The following IL31RA variants were observed in gnomAD, a reference collection of about 807,000 sequenced individuals.
The protein encoded by IL31RA is interleukin-31 receptor subunit alpha.
In IL31RA, 66 loss-of-function variants were observed where a neutral mutation model predicts 83.7. The ratio of observed to expected loss-of-function variants is 0.79; its 90% CI spans 0.65 to 0.97. IL31RA has a LOEUF of 0.97. IL31RA is among the 50% of genes least tolerant of loss of function. The probability of loss-of-function intolerance (pLI) is 0.00; values close to 1 mark genes in which losing one functional copy is unlikely to be tolerated. For missense variants in IL31RA, 798 were observed against 919.4 expected (o/e 0.87, Z 1.71); for synonymous variants, 325 against 329.0 (o/e 0.99, Z 0.13).
chr5:55,909,238 A>ATTAC (rs1749347439), intron 11 of IL31RA: 3 of 152,864 alleles, frequency 2.0e-5, no homozygotes, highest in Non-Finnish European at 4.4e-5. Context: ...TTTATGGCTG[A>ATTAC]ATAATATTCC....
Position 55,920,280 on chromosome 5 carries a change from G to C in IL31RA, c.*3160G>C, listed in dbSNP as rs1250686170. Among the ~76,000 whole-genome samples the C allele has an allele frequency of 6.6e-6, 1 of 152,214 alleles. No individual in the cohort carries two copies. The highest frequency in any genetic ancestry group is 1.5e-5 in the Non-Finnish European group (1 of 68,032). On this transcript the variant is annotated 3_prime_UTR_variant, in exon 15 of 15. Coordinates refer to ENST00000652347, the MANE Select transcript of IL31RA (RefSeq NM_139017.7). ...GGCCTGTCCACCCCAGTCTGATTCT[G>C]TCCCCATTTCCAGCACGCCCCTAGT...
upstream of IL31RA, among the ~76,000 whole-genome samples, chr5:55,846,682 A>G (rs1242969428): frequency 4.6e-5 from 7 of 152,104 alleles, no homozygotes; most frequent in Non-Finnish European, 8.8e-5. Flanking sequence ...CTGTAATCTC[A>G]GCTACTTGGG....
chr5:55,879,618 G>C (rs1424456801), intron 4 of IL31RA, among the ~76,000 whole-genome samples: 2 of 151,168 alleles, frequency 1.3e-5, no homozygotes, highest in Non-Finnish European at 2.9e-5. Flanking sequence ...TTTTAGTAGA[G>C]ACAGGGTTTC....
At chr5:55,890,463 G>T (rs965455138) in intron 6 of IL31RA, among the ~76,000 whole-genome samples, 1 of 152,144 alleles carries the variant, frequency 6.6e-6, no homozygotes, top group Non-Finnish European at 1.5e-5. Flanking sequence ...ACCACCTCCC[G>T]AGTTCAAGCA....
At chr5:55,898,036 C>T (rs1249879005) in intron 7 of IL31RA, among the ~76,000 whole-genome samples, 6 of 152,194 alleles carry the variant, frequency 3.9e-5, no homozygotes, top group African/African-American at 7.2e-5. Context: ...GTTGCGGAGG[C>T]GGTGCTGCCG....
chr5:55,922,721 T>C lies in IL31RA; in HGVS notation c.*5601T>C. 1 of 444,292 alleles carries C rather than the reference T, an allele frequency of 2.3e-6. No homozygotes were observed. The highest frequency in any genetic ancestry group is 5.8e-4 in the Middle Eastern group (1 of 1,712). 27.5% of individuals were successfully genotyped at this position (444,292 alleles called of 1,614,324 possible). On this transcript the variant is annotated 3_prime_UTR_variant, in exon 15 of 15. Transcript: ENST00000652347. ...CATACAAAAAAGCCATAATACCATT[T>C]TCATGTAATGCTATACTTCTATACT...
intron 6 of IL31RA, among the ~76,000 whole-genome samples, chr5:55,890,791 A>G (rs1464604079): frequency 6.6e-6 from 1 of 152,252 alleles, no homozygotes; most frequent in Non-Finnish European, 1.5e-5. Context: ...CACATTTTTA[A>G]TGACAGTGAG....
At chr5:55,883,254 A>G in intron 5 of IL31RA, 59 bp downstream of exon 5, 1 of 1,384,152 alleles carries the variant, frequency 7.2e-7, no homozygotes, top group Non-Finnish European at 1.0e-6. Flanking sequence ...AGAATCATTG[A>G]CAACTATTGT....
chr5:55,853,450 A>G (rs935044639), intron 1 of IL31RA: 20 of 1,540,110 alleles, frequency 1.3e-5, no homozygotes, highest in South Asian at 4.9e-5. Context: ...TAGTGTGGAT[A>G]AATTAAAGTC....
Position 55,890,828 on chromosome 5 carries a change from T to C in IL31RA, c.772+693T>C, listed in dbSNP as rs1372367200. On this transcript the variant is annotated intron_variant, in intron 6 of 14. Coordinates refer to ENST00000652347, the MANE Select transcript of IL31RA (RefSeq NM_139017.7). ...AAAGGAAAGAGGCATGGATTGCAGG[T>C]TGATGGAGTGCTTACTAAGTGTCAG... 2.6e-5 allele frequency among the ~76,000 whole-genome samples: 4 copies of C among 152,218 alleles called. No homozygotes were observed. The East Asian group carries it at 5.8e-4, about 22-fold the overall frequency.
intron 14 of IL31RA, among the ~76,000 whole-genome samples, chr5:55,916,157 G>T (rs796309831): frequency 3.3e-5 from 5 of 152,188 alleles, no homozygotes; most frequent in East Asian, 1.9e-4. Flanking sequence ...AGGCAGGGGG[G>T]ATTGCTTGAG....
In IL31RA at chr5:55,851,384, G is replaced by C; in HGVS notation, c.-187G>C. On this transcript the variant is annotated 5_prime_UTR_variant, in exon 1 of 15. Coordinates refer to ENST00000652347, the MANE Select transcript of IL31RA (RefSeq NM_139017.7). ...AGCCTCCTTCTGCTTAGGAACACCA[G>C]ACAGCACTCCAGCACTCTGCTTGGG... is the stretch of plus-strand genomic sequence containing the variant. 1.1e-6 allele frequency: 1 copy of C among 950,002 alleles called. No homozygotes were observed. Among genetic ancestry groups the C allele is most frequent in the Non-Finnish European group, 1.6e-6 (1 of 628,998 alleles). 58.8% of individuals were successfully genotyped at this position (950,002 alleles called of 1,614,324 possible). A position where few individuals can be genotyped will look rare whatever the true frequency, so the allele number is the denominator to read the frequency against.
At chr5:55,883,232 G>T in intron 5 of IL31RA, 37 bp downstream of exon 5, 1 of 1,525,674 alleles carries the variant, frequency 6.6e-7, no homozygotes, top group Non-Finnish European at 9.1e-7. Context: ...CCAATTAGAG[G>T]CCCAGAGGAA....
At chr5:55,860,071 A>G (rs1745581312) in intron 2 of IL31RA, among the ~76,000 whole-genome samples, 1 of 152,194 alleles carries the variant, frequency 6.6e-6, no homozygotes, top group South Asian at 2.1e-4. Flanking sequence ...AATTTACTAT[A>G]ATAAAAGTTA....
At chr5:55,869,860 T>G (rs1009085472) in intron 3 of IL31RA, among the ~76,000 whole-genome samples, 15 of 152,248 alleles carry the variant, frequency 9.9e-5, no homozygotes, top group Non-Finnish European at 1.9e-4. Context: ...CATTGTAAGA[T>G]GACCTTTAGT....
Position 55,922,360 on chromosome 5 carries a change from G to A in IL31RA, c.*5240G>A. The A allele has an allele frequency of 5.8e-6, 9 of 1,540,240 alleles. No individual in the cohort carries two copies. Among genetic ancestry groups the A allele is most frequent in the Non-Finnish European group, 7.0e-6 (8 of 1,137,206 alleles). On this transcript the variant is annotated 3_prime_UTR_variant, in exon 15 of 15. Transcript: ENST00000652347. ...GCAATGCTCTCGTGGCTGTTCAAGG[G>A]AAGTGAGATACTTGTACTATGCATT...
chr5:55,843,706 C>A, the IL31RA span, among the ~76,000 whole-genome samples: 1 of 152,150 alleles, frequency 6.6e-6, no homozygotes, highest in Non-Finnish European at 1.5e-5. Flanking sequence ...GGCCCCTTTA[C>A]CATTATATAA....
chr5:55,856,167 G>T (rs983743165), intron 1 of IL31RA, among the ~76,000 whole-genome samples: 5 of 152,216 alleles, frequency 3.3e-5, no homozygotes, highest in Non-Finnish European at 7.3e-5. Context: ...AAAGTGCTGG[G>T]ATTACAGGCA....
intron 2 of IL31RA, among the ~76,000 whole-genome samples, chr5:55,867,257 GTGTT>G (rs1561543575): frequency 1.7e-4 from 4 of 24,236 alleles, no homozygotes; most frequent in Admixed American, 5.7e-4. Flanking sequence ...GTGTGTGCGT[GTGTT>G]TGTGTGCGTG....
Sources: allele counts gnomAD v4.1 joint callset (sites outside exome capture counted in the v4.1 genomes callset), GRCh38; gene constraint gnomAD v4.1.1; transcripts MANE v1.5; gene names NCBI Gene and HGNC (gene_info 2026-07-23, HGNC 2026-07-21).